Variants in SGCD observed in about 807,000 individuals in gnomAD.
SGCD encodes the protein sarcoglycan delta.
Under a neutral mutation model 36.6 loss-of-function variants are expected in SGCD, and 18 were observed. The ratio of observed to expected loss-of-function variants is 0.49; its 90% CI spans 0.34 to 0.73. SGCD has a LOEUF of 0.73. SGCD is among the 30% of genes least tolerant of loss of function. SGCD has a pLI of 0.01. For synonymous variants in SGCD, 133 were observed against 130.6 expected, an observed-to-expected ratio of 1.02 and a Z score of -0.12; for missense variants, 387 against 346.7, an observed-to-expected ratio of 1.12 and a Z score of -0.92.
At chr5:155,744,200 G>A in the SGCD span, among the ~76,000 whole-genome samples, 7 of 152,102 alleles carry the variant, frequency 4.6e-5, no homozygotes, top group Non-Finnish European at 5.9e-5. Flanking sequence ...GGTGACTCAC[G>A]CCTGTAATCC....
chr5:156,607,603 A>G (rs1363378974), intron 6 of SGCD, among the ~76,000 whole-genome samples: 1 of 152,208 alleles, frequency 6.6e-6, no homozygotes, highest in Admixed American at 6.5e-5. Context: ...GTTGATTGGA[A>G]TAGTTTCAGA....
rs187126399 is a variant in SGCD at position 156,575,124 on chromosome 5, G to T, written c.295-14107G>T. ...CGGAGTTTCTGCAGCAAAGAGTGGGGTGGAACAGTCTTGTCTGTATTGCTA... is the reference window on the plus strand; with the variant it reads ...CGGAGTTTCTGCAGCAAAGAGTGGGTTGGAACAGTCTTGTCTGTATTGCTA... On this transcript the variant is annotated intron_variant, in intron 4 of 8. Transcript: ENST00000337851. 2.1e-3 allele frequency among the ~76,000 whole-genome samples: 318 copies of T among 152,290 alleles called. 2 individuals are homozygous for T. Among genetic ancestry groups the T allele is most frequent in the African/African-American group, 7.4e-3 (309 of 41,570 alleles).
chr5:156,582,984 T>C (rs2113344696), intron 4 of SGCD, among the ~76,000 whole-genome samples: 2 of 152,330 alleles, frequency 1.3e-5, no homozygotes, highest in Middle Eastern at 3.4e-3. Context: ...TACCCTCTTA[T>C]AGGATCCCCA....
the SGCD span, among the ~76,000 whole-genome samples, chr5:155,756,776 C>G: frequency 6.6e-6 from 1 of 152,156 alleles, no homozygotes; most frequent in Non-Finnish European, 1.5e-5. Context: ...GAGAAGCTGT[C>G]CAAGGAATGA....
the SGCD span, among the ~76,000 whole-genome samples, chr5:155,836,229 G>T: frequency 6.6e-6 from 1 of 152,104 alleles, no homozygotes; most frequent in African/African-American, 2.4e-5. Context: ...CATTGAATTT[G>T]CTAGGATGTA....
At chr5:155,776,137 A>T in the SGCD span, among the ~76,000 whole-genome samples, 1 of 152,174 alleles carries the variant, frequency 6.6e-6, no homozygotes, top group East Asian at 1.9e-4. Flanking sequence ...ATCCTACTTG[A>T]TTACAAAGGT....
chr5:156,526,476 A>G (rs1378656360), intron 4 of SGCD, among the ~76,000 whole-genome samples: 5 of 152,190 alleles, frequency 3.3e-5, no homozygotes, highest in Non-Finnish European at 7.3e-5. Context: ...ACTTGCATGG[A>G]ACACGAGCAT....
At chr5:155,857,853 A>G in the SGCD span, among the ~76,000 whole-genome samples, 1 of 152,186 alleles carries the variant, frequency 6.6e-6, no homozygotes, top group Non-Finnish European at 1.5e-5. Context: ...GACAGTCTGT[A>G]TCTTTAGAGT....
At chr5:155,975,409 G>T (rs1234484976) in intron 1 of SGCD, among the ~76,000 whole-genome samples, 1 of 151,958 alleles carries the variant, frequency 6.6e-6, no homozygotes, top group Non-Finnish European at 1.5e-5. Context: ...ATCCAACAAT[G>T]CACAGGACGG....
chr5:156,378,000 A>G (rs1770762184), intron 3 of SGCD, among the ~76,000 whole-genome samples: 1 of 152,138 alleles, frequency 6.6e-6, no homozygotes, highest in Non-Finnish European at 1.5e-5. Context: ...ACTTCTGGGT[A>G]TAGATCCCAA....
the SGCD span, among the ~76,000 whole-genome samples, chr5:155,730,407 GTATT>G: frequency 6.9e-6 from 1 of 145,658 alleles, no homozygotes; most frequent in South Asian, 2.2e-4. Flanking sequence ...TATAAAGGAG[GTATT>G]TAGAGATGGA....
chr5:156,514,312 G>T (rs769903961), intron 4 of SGCD, among the ~76,000 whole-genome samples: 2 of 152,138 alleles, frequency 1.3e-5, no homozygotes, highest in Non-Finnish European at 2.9e-5. Context: ...AAGGAAAATA[G>T]CATTTATTAA....
intron 3 of SGCD, among the ~76,000 whole-genome samples, chr5:156,370,711 T>A (rs1254231908): frequency 6.6e-6 from 1 of 151,470 alleles, no homozygotes; most frequent in Admixed American, 6.6e-5. Context: ...CAAGAGGGAG[T>A]GTGGTGGATG....
At chr5:155,875,366 A>G (rs183614466) in intron 1 of SGCD, among the ~76,000 whole-genome samples, 2 of 152,286 alleles carry the variant, frequency 1.3e-5, no homozygotes, top group South Asian at 2.1e-4. Flanking sequence ...CTAAAACTAT[A>G]CTTGTTAAAT....
intron 3 of SGCD, among the ~76,000 whole-genome samples, chr5:156,264,216 CAT>C (rs947429869): frequency 6.6e-6 from 1 of 151,998 alleles, no homozygotes; most frequent in African/African-American, 2.4e-5. Flanking sequence ...AGTCAGGAAT[CAT>C]AAGATTGAAA....
chr5:155,808,671 G>A, the SGCD span, among the ~76,000 whole-genome samples: 1 of 152,206 alleles, frequency 6.6e-6, no homozygotes, highest in Non-Finnish European at 1.5e-5. Context: ...AAACTTTAGG[G>A]ATTATCTAGC....
intron 4 of SGCD, among the ~76,000 whole-genome samples, chr5:156,587,058 T>G (rs1357487410): frequency 6.6e-6 from 1 of 152,192 alleles, no homozygotes; most frequent in African/African-American, 2.4e-5. Flanking sequence ...GAAGTGGAGT[T>G]GTTATAAAGC....
At chr5:156,433,522 T>C (rs1379666408) in intron 3 of SGCD, among the ~76,000 whole-genome samples, 3 of 152,194 alleles carry the variant, frequency 2.0e-5, no homozygotes, top group African/African-American at 7.2e-5. Flanking sequence ...TGTCTCTTTG[T>C]GCCTCCGCCT....
intron 7 of SGCD, among the ~76,000 whole-genome samples, chr5:156,723,107 T>C (rs1353631307): frequency 6.6e-6 from 1 of 152,150 alleles, no homozygotes; most frequent in Non-Finnish European, 1.5e-5. Context: ...ACTACCAAAT[T>C]TAACGGAAAG....
Sources: allele counts gnomAD v4.1 joint callset (sites outside exome capture counted in the v4.1 genomes callset), GRCh38; gene constraint gnomAD v4.1.1; transcripts MANE v1.5; gene names NCBI Gene and HGNC (gene_info 2026-07-23, HGNC 2026-07-21).